Variants in MGMT observed in about 807,000 individuals in gnomAD.
MGMT encodes methylated-DNA--protein-cysteine methyltransferase.
Under a neutral mutation model 15.9 loss-of-function variants are expected in MGMT, and 14 were observed. The ratio of observed to expected loss-of-function variants is 0.88; its 90% CI spans 0.58 to 1.37. The LOEUF (loss-of-function observed/expected upper bound fraction) is 1.37, where lower values mean the gene tolerates loss of function less well. Among genes scored for constraint, MGMT ranks in the 40% most tolerant of loss-of-function variants. The probability of loss-of-function intolerance (pLI) is 0.00; values close to 1 mark genes in which losing one functional copy is unlikely to be tolerated. For synonymous variants in MGMT, 130 were observed against 118.2 expected (o/e 1.10, Z -0.65); for missense variants, 282 against 268.1 (o/e 1.05, Z -0.36).
intron 2 of MGMT, among the ~76,000 whole-genome samples, chr10:129,652,222 C>A (rs961331278): frequency 6.6e-6 from 1 of 152,256 alleles, no homozygotes; most frequent in African/African-American, 2.4e-5. Context: ...GCCGGCCATG[C>A]GGAGAACACT....
At chr10:129,761,221 T>C (rs1848869324) in intron 4 of MGMT, among the ~76,000 whole-genome samples, 2 of 152,014 alleles carry the variant, frequency 1.3e-5, no homozygotes, top group South Asian at 4.1e-4. Context: ...CAGTGACTGT[T>C]TCAGGCAGTG....
At chr10:129,658,741 G>A (rs1368916877) in intron 2 of MGMT, among the ~76,000 whole-genome samples, 2 of 152,190 alleles carry the variant, frequency 1.3e-5, no homozygotes, top group African/African-American at 2.4e-5. Context: ...GTGTCATAAT[G>A]TATTAACCTG....
At chr10:129,553,990 G>A (rs1846186481) in intron 2 of MGMT, among the ~76,000 whole-genome samples, 1 of 152,236 alleles carries the variant, frequency 6.6e-6, no homozygotes. Context: ...CCAGTCTGCG[G>A]ACACAGTTGT....
chr10:129,509,055 C>T (rs1376593183), intron 1 of MGMT, among the ~76,000 whole-genome samples: 1 of 152,124 alleles, frequency 6.6e-6, no homozygotes, highest in Non-Finnish European at 1.5e-5. Flanking sequence ...TGCTGGGCTG[C>T]GACTTTGAGG....
intron 1 of MGMT, among the ~76,000 whole-genome samples, chr10:129,507,431 C>T (rs1845637335): frequency 6.6e-6 from 1 of 152,076 alleles, no homozygotes; most frequent in Non-Finnish European, 1.5e-5. Context: ...TGTCCTACAG[C>T]ATCAGAGCAG....
intron 2 of MGMT, among the ~76,000 whole-genome samples, chr10:129,546,523 T>A (rs973794409): frequency 3.3e-5 from 5 of 152,036 alleles, no homozygotes; most frequent in African/African-American, 9.7e-5. Context: ...GAGCAAAGAA[T>A]AACCTCAGGA....
chr10:129,489,213 A>G (rs1428378753), intron 1 of MGMT, among the ~76,000 whole-genome samples: 1 of 151,800 alleles, frequency 6.6e-6, no homozygotes, highest in Non-Finnish European at 1.5e-5. Context: ...AGAAAAAATT[A>G]GCTGGGTGTG....
At chr10:129,695,456 G>A (rs1206972071) in intron 2 of MGMT, among the ~76,000 whole-genome samples, 1 of 152,344 alleles carries the variant, frequency 6.6e-6, no homozygotes, top group East Asian at 1.9e-4. Flanking sequence ...ATGGGACCGA[G>A]CCCCGTGGAG....
In MGMT at chr10:129,532,578, A is replaced by C. The variant is rs1845943981; in HGVS notation, c.-12-3663A>C. Among the ~76,000 whole-genome samples, 1 of 152,030 alleles carries C rather than the reference A, an allele frequency of 6.6e-6. No homozygotes were observed. Among genetic ancestry groups the C allele is most frequent in the Non-Finnish European group, 1.5e-5 (1 of 67,998 alleles). On this transcript the variant is annotated intron_variant, in intron 1 of 4. Coordinates refer to ENST00000651593, the MANE Select transcript of MGMT (RefSeq NM_002412.5). This position sits in a 1 kb window ranked among gnomAD's most constrained non-coding sequence, Gnocchi z 5.3. ...CTTCAGCTTGCTGGGATTCACCCCC[A>C]GTGGCCTTCCAAGGCTCCTACCTTT...
chr10:129,691,898 A>G (rs984707022), intron 2 of MGMT, among the ~76,000 whole-genome samples: 36 of 152,192 alleles, frequency 2.4e-4, no homozygotes, highest in African/African-American at 8.7e-4. Flanking sequence ...AAAGCTCTAG[A>G]GTTTGGTGCC....
At chr10:129,469,048 TCTTA>T (rs1845202176) in intron 1 of MGMT, among the ~76,000 whole-genome samples, 1 of 152,186 alleles carries the variant, frequency 6.6e-6, no homozygotes, top group Admixed American at 6.5e-5. Context: ...CTTGTTGAGG[TCTTA>T]CTTTGATATC....
chr10:129,522,763 G>A (rs1265794779), intron 1 of MGMT, among the ~76,000 whole-genome samples: 1 of 152,188 alleles, frequency 6.6e-6, no homozygotes, highest in Non-Finnish European at 1.5e-5. Flanking sequence ...TGGACGAGGA[G>A]AAAGAGGAAC....
chr10:129,513,592 G>T (rs997984147), intron 1 of MGMT, among the ~76,000 whole-genome samples: 1 of 152,064 alleles, frequency 6.6e-6, no homozygotes, highest in Non-Finnish European at 1.5e-5. Flanking sequence ...ACGTGACCCC[G>T]CGGCTCCTCT....
At chr10:129,604,303 C>T (rs1276669579) in intron 2 of MGMT, among the ~76,000 whole-genome samples, 1 of 152,118 alleles carries the variant, frequency 6.6e-6, no homozygotes, top group East Asian at 1.9e-4. Flanking sequence ...CACCAGAGAG[C>T]CTAGCACTTA....
At chr10:129,526,312 C>A (rs1464804116) in intron 1 of MGMT, among the ~76,000 whole-genome samples, 1 of 152,188 alleles carries the variant, frequency 6.6e-6, no homozygotes, top group Non-Finnish European at 1.5e-5. Flanking sequence ...CCCAATGCCC[C>A]TTATTCCCTG....
At chr10:129,686,786 T>C (rs915045587) in intron 2 of MGMT, among the ~76,000 whole-genome samples, 3 of 152,114 alleles carry the variant, frequency 2.0e-5, no homozygotes, top group Non-Finnish European at 4.4e-5. Flanking sequence ...AATACAGAAG[T>C]CATGAGTTTG....
At chr10:129,685,240 T>G (rs1847892461) in intron 2 of MGMT, among the ~76,000 whole-genome samples, 1 of 152,238 alleles carries the variant, frequency 6.6e-6, no homozygotes, top group South Asian at 2.1e-4. Context: ...GCAGCTTTAA[T>G]GGGAGCATGT....
chr10:129,685,035 G>T (rs978652669), intron 2 of MGMT, among the ~76,000 whole-genome samples: 1 of 152,198 alleles, frequency 6.6e-6, no homozygotes, highest in Non-Finnish European at 1.5e-5. Flanking sequence ...TTGAGTGCCT[G>T]TCCTGGTAAA....
chr10:129,573,567 ATGT>A (rs1342759881), intron 2 of MGMT, among the ~76,000 whole-genome samples: 1 of 151,900 alleles, frequency 6.6e-6, no homozygotes, highest in East Asian at 1.9e-4. Flanking sequence ...TACTTTTTAA[ATGT>A]TGTTTTTCAT....
Sources: allele counts gnomAD v4.1 joint callset (sites outside exome capture counted in the v4.1 genomes callset), GRCh38; gene constraint gnomAD v4.1.1; non-coding constraint Gnocchi (gnomAD v3.1); transcripts MANE v1.5; gene names NCBI Gene and HGNC (gene_info 2026-07-23, HGNC 2026-07-21).